Variants in DNAH7 observed in about 807,000 individuals in gnomAD.
The protein encoded by DNAH7 is axonemal beta dynein heavy chain 7.
DNAH7 carries 397 observed loss-of-function variants against 444.6 expected under a neutral mutation model. The ratio of observed to expected loss-of-function variants is 0.89; its 90% CI spans 0.82 to 0.97. DNAH7 has a LOEUF of 0.97. Ranked by LOEUF, DNAH7 falls within the 50% of genes least tolerant of loss-of-function variation. DNAH7 has a pLI of 0.00. For synonymous variants in DNAH7, 1,636 were observed against 1,624.4 expected (o/e 1.01, Z -0.17); for missense variants, 4,902 against 4,800.8 (o/e 1.02, Z -0.62).
intron 42 of DNAH7, among the ~76,000 whole-genome samples, chr2:195,860,601 G>A (rs1032176571): frequency 2.8e-4 from 42 of 152,136 alleles, no homozygotes; most frequent in African/African-American, 1.0e-3. Context: ...TACAGATGAG[G>A]AGTGTCATAT....
At chr2:195,817,918 ACT>A in intron 49 of DNAH7, 89 bp from the exon 50 acceptor site, 1 of 920,760 alleles carries the variant, frequency 1.1e-6, no homozygotes, top group Admixed American at 3.0e-5. Context: ...CTTAAAATAG[ACT>A]CTATTTACTA....
chr2:195,924,974 A>G (rs554586536), intron 22 of DNAH7, among the ~76,000 whole-genome samples: 20 of 152,272 alleles, frequency 1.3e-4, no homozygotes, highest in African/African-American at 4.8e-4. Context: ...ACTGTACACC[A>G]CGGAGTTTAT....
chr2:195,937,115 A>C (rs565902716), intron 19 of DNAH7, among the ~76,000 whole-genome samples: 1 of 152,274 alleles, frequency 6.6e-6, no homozygotes, highest in African/African-American at 2.4e-5. Context: ...CTGGTATGAG[A>C]TATTTTCTTT....
In DNAH7 at chr2:195,960,839, T is replaced by G. The variant is rs1455304212; in HGVS notation, c.2312A>C (p.Glu771Ala). The change falls in exon 18 of 65, where the codon GAA (glutamate) becomes GCA (alanine). Residue 771 changes from glutamate (E) to alanine (A), a missense_variant. Glu to Ala is a moderately radical substitution (Grantham distance 107, BLOSUM62 -1). Coordinates refer to ENST00000312428, the MANE Select transcript of DNAH7 (RefSeq NM_018897.3). The part of the protein sequence containing the change: ...DGLNPYLRLY[E>A]TAVEFSSNYR... Reference sequence around the variant, plus strand: ...GTTGCTGCTAAATTCGACAGCAGTTTCATAAAGACGAAGATAAGGGTTCAA... The same window carrying G: ...GTTGCTGCTAAATTCGACAGCAGTTGCATAAAGACGAAGATAAGGGTTCAA... The G allele has an allele frequency of 4.3e-6, 7 of 1,614,202 alleles. No individual in the cohort carries two copies. The South Asian group carries it at 6.6e-5, about 15-fold the overall frequency.
intron 25 of DNAH7, among the ~76,000 whole-genome samples, chr2:195,907,691 A>G (rs1462880914): frequency 1.3e-5 from 2 of 152,194 alleles, no homozygotes; most frequent in Non-Finnish European, 2.9e-5. Context: ...CTTCATATGC[A>G]TATTTTATGC....
intron 12 of DNAH7, among the ~76,000 whole-genome samples, chr2:195,993,028 C>T (rs746276881): frequency 1.3e-5 from 2 of 152,200 alleles, no homozygotes; most frequent in African/African-American, 2.4e-5. Context: ...TCCCTAGAGG[C>T]CTCTCCACCT....
chr2:195,988,369 T>C (rs1693068440), intron 12 of DNAH7, 140 bp from the exon 13 acceptor site: 2 of 750,200 alleles, frequency 2.7e-6, no homozygotes, highest in African/African-American at 1.8e-5. Context: ...CTCTAATCTA[T>C]AGAAAGATAT....
intron 37 of DNAH7, 109 bp downstream of exon 37, chr2:195,876,435 C>CATTA (rs1435108216): frequency 2.7e-6 from 3 of 1,095,110 alleles, no homozygotes; most frequent in Non-Finnish European, 4.0e-6. Flanking sequence ...AAATTTGTGA[C>CATTA]ATTAAAAAAC....
intron 31 of DNAH7, among the ~76,000 whole-genome samples, chr2:195,889,366 G>A (rs1701891350): frequency 6.6e-6 from 1 of 150,550 alleles, no homozygotes; most frequent in Non-Finnish European, 1.5e-5. Flanking sequence ...CAGGCTGGAG[G>A]GCAGAGTGGG....
intron 29 of DNAH7, among the ~76,000 whole-genome samples, 183 bp from the exon 30 acceptor site, chr2:195,895,407 G>A (rs1489745424): frequency 6.6e-6 from 1 of 151,942 alleles, no homozygotes; most frequent in East Asian, 1.9e-4. Context: ...TTTAAATTGT[G>A]ATCCTTATGA....
intron 62 of DNAH7, among the ~76,000 whole-genome samples, chr2:195,755,747 T>G (rs995272177): frequency 6.6e-6 from 1 of 152,206 alleles, no homozygotes; most frequent in African/African-American, 2.4e-5. Context: ...CCAAGACAAT[T>G]AGCCATTGAG....
chr2:195,769,118 G>A lies in DNAH7; in HGVS notation c.11433+2542C>T, dbSNP rs535757483. ...CTTCCTCAAATTAGTGAAATATGAA[G>A]AGAATGATGAAAGAATGGCATGAGA... is the stretch of plus-strand genomic sequence containing the variant. On this transcript the variant is annotated intron_variant, in intron 61 of 64. Coordinates refer to ENST00000312428, the MANE Select transcript of DNAH7 (RefSeq NM_018897.3). Among the ~76,000 whole-genome samples, 12 of 152,270 alleles carry A rather than the reference G, an allele frequency of 7.9e-5. No homozygotes were observed. The South Asian group carries it at 1.0e-3, about 13-fold the overall frequency.
At chr2:195,888,079 C>T (rs115276945) in intron 33 of DNAH7, among the ~76,000 whole-genome samples, 179 bp downstream of exon 33, 3,036 of 151,858 alleles carry the variant, frequency 0.02, 105 homozygotes, top group African/African-American at 0.069. Context: ...CACCAATATA[C>T]CTCATTTGAA....
intron 18 of DNAH7, among the ~76,000 whole-genome samples, chr2:195,958,109 C>T (rs1323155188): frequency 2.6e-5 from 4 of 152,082 alleles, no homozygotes; most frequent in South Asian, 4.2e-4. Context: ...CACTTTTACA[C>T]GGATTTTTTT....
In DNAH7 at chr2:195,785,882, G is replaced by A. The variant is rs140555137; in HGVS notation, c.10878+1128C>T. On this transcript the variant is annotated intron_variant, in intron 58 of 64. Coordinates refer to ENST00000312428, the MANE Select transcript of DNAH7 (RefSeq NM_018897.3). ...GTTTTGAAAAGTGTAATTATAGCTC[G>A]AATACTTCCTCAGGCACTGTATCAC... Among the ~76,000 whole-genome samples, 317 of 151,962 alleles carry A rather than the reference G, an allele frequency of 2.1e-3. 2 individuals are homozygous for A. The highest frequency in any genetic ancestry group is 6.7e-3 in the African/African-American group (278 of 41,442).
In DNAH7 at chr2:195,737,790, A is replaced by C; in HGVS notation, c.*131T>G. On this transcript the variant is annotated 3_prime_UTR_variant, in exon 65 of 65. Coordinates refer to ENST00000312428, the MANE Select transcript of DNAH7 (RefSeq NM_018897.3). Reference sequence around the variant, plus strand: ...ATTAAGTTTAGCTGCATTTGCTCATAAGTAAATTCATAATTATAACTTTAG... The same window carrying C: ...ATTAAGTTTAGCTGCATTTGCTCATCAGTAAATTCATAATTATAACTTTAG... 1 of 761,608 alleles carries C rather than the reference A, an allele frequency of 1.3e-6. No individual in the cohort carries two copies. The highest frequency in any genetic ancestry group is 2.1e-6 in the Non-Finnish European group (1 of 481,918). The allele number at this position is 761,608 out of a possible 1,614,324, so 47.2% of individuals were successfully genotyped here. A position where few individuals can be genotyped will look rare whatever the true frequency, so the allele number is the denominator to read the frequency against.
intron 46 of DNAH7, among the ~76,000 whole-genome samples, chr2:195,846,500 T>C (rs1287347143): frequency 6.6e-6 from 1 of 152,206 alleles, no homozygotes; most frequent in Non-Finnish European, 1.5e-5. Context: ...ACCCCATTAC[T>C]GTGTATATGC....
intron 36 of DNAH7, 74 bp downstream of exon 36, chr2:195,881,720 TA>T: frequency 7.0e-7 from 1 of 1,437,818 alleles, no homozygotes; most frequent in Non-Finnish European, 9.5e-7. Context: ...TTTAAAAAAT[TA>T]TTTGTCTGCT....
In DNAH7 at chr2:195,884,575, G is replaced by T. The variant is rs1470371211; in HGVS notation, c.5763+10C>A. 14 of 1,608,356 alleles carry T rather than the reference G, an allele frequency of 8.7e-6. No individual in the cohort carries two copies. Among genetic ancestry groups the T allele is most frequent in the South Asian group, 1.1e-5 (1 of 90,730 alleles). ...GCTGGCAGCTGCAAATCTTGCTTCA[G>T]AACTCTTACCTCAGTGACAAATTGA... On this transcript the variant is annotated intron_variant, in intron 35 of 64. Transcript: ENST00000312428.
Sources: gnomAD v4.1 joint callset for allele counts (sites outside exome capture counted in the v4.1 genomes callset) on GRCh38, gnomAD v4.1.1 for gene constraint, MANE v1.5 for transcripts, NCBI Gene and HGNC (gene_info 2026-07-23, HGNC 2026-07-21) for gene names.